Variants in PLCH1 observed in about 807,000 individuals in gnomAD.
PLCH1 encodes the protein 1-phosphatidylinositol 4,5-bisphosphate phosphodiesterase eta-1.
Under a neutral mutation model 126.7 loss-of-function variants are expected in PLCH1, and 60 were observed. That is an observed-to-expected ratio of 0.47 (90% CI 0.38 to 0.59). The LOEUF (loss-of-function observed/expected upper bound fraction) is 0.59, where lower values mean the gene tolerates loss of function less well. PLCH1 is among the 20% of genes least tolerant of loss of function. The pLI is 0.00. For missense variants in PLCH1, 1,723 were observed against 2,040.0 expected (o/e 0.84, Z 2.99); for synonymous variants, 719 against 734.9 (o/e 0.98, Z 0.35).
intron 2 of PLCH1, among the ~76,000 whole-genome samples, chr3:155,652,540 C>T (rs1740831897): frequency 6.6e-6 from 1 of 152,190 alleles, no homozygotes; most frequent in Non-Finnish European, 1.5e-5. Flanking sequence ...CCACTTTGAA[C>T]ATAGCACTAC....
intron 5 of PLCH1, among the ~76,000 whole-genome samples, chr3:155,585,801 G>C (rs1731282660): frequency 6.6e-6 from 1 of 152,152 alleles, no homozygotes; most frequent in Non-Finnish European, 1.5e-5. Flanking sequence ...CTCTCAAAGG[G>C]ACTGGAGCAA....
rs1327457619 is a variant in PLCH1, at chr3:155,554,158, G to A, written c.1108C>T (p.His370Tyr). The A allele has an allele frequency of 1.2e-6, 2 of 1,613,470 alleles. No individual in the cohort carries two copies. Among genetic ancestry groups the A allele is most frequent in the Non-Finnish European group, 1.7e-6 (2 of 1,179,562 alleles). The change falls in exon 9 of 23, where the codon CAT becomes TAT. Residue 370 changes from histidine to tyrosine, a missense_variant. Physicochemically the swap from His to Tyr is moderately conservative, Grantham distance 83. Around this residue, in one of 2 missense-constraint regions of PLCH1, gnomAD observed 776 missense variants for 1,062.9 expected, o/e 0.73. Coordinates refer to ENST00000460012, the MANE Select transcript of PLCH1 (RefSeq NM_014996.4). ...TTTGAAGTGAGAGTGTAACCATGAT[G>A]TACTACTGGCTCTCCATCTGGGCCA... ...WDGPDGEPVVHHGYTLTSKIL... is the reference protein window; with the variant it reads ...WDGPDGEPVVYHGYTLTSKIL...
chr3:155,744,231 G>A (rs1159901658), intron 1 of PLCH1, among the ~76,000 whole-genome samples: 7 of 152,334 alleles, frequency 4.6e-5, no homozygotes, highest in African/African-American at 1.7e-4. Flanking sequence ...CGCAGAGCGT[G>A]CCGCCGCGGG....
chr3:155,469,294 C>T (rs532696354), intron 21 of PLCH1, among the ~76,000 whole-genome samples: 18 of 152,272 alleles, frequency 1.2e-4, no homozygotes, highest in African/African-American at 2.2e-4. Flanking sequence ...GTGCCCTTTC[C>T]GAGTCAAAGA....
intron 21 of PLCH1, among the ~76,000 whole-genome samples, chr3:155,465,108 CAAAA>C (rs150847303): frequency 7.6e-5 from 5 of 65,788 alleles, no homozygotes; most frequent in Non-Finnish European, 6.8e-5. Context: ...GACTCTGTCT[CAAAA>C]AAAAAAAAAA....
At chr3:155,682,804 A>G (rs1331989204) in intron 2 of PLCH1, among the ~76,000 whole-genome samples, 2 of 152,250 alleles carry the variant, frequency 1.3e-5, no homozygotes, top group African/African-American at 4.8e-5. Flanking sequence ...GTATAACCAA[A>G]CACTTAAATT....
chr3:155,585,844 C>T (rs140110183), intron 5 of PLCH1, among the ~76,000 whole-genome samples: 42 of 151,912 alleles, frequency 2.8e-4, no homozygotes, highest in Non-Finnish European at 5.7e-4. Flanking sequence ...AAAACAGCAA[C>T]GATAACAAAA....
intron 22 of PLCH1, among the ~76,000 whole-genome samples, chr3:155,484,064 GAAT>G (rs1260996372): frequency 1.3e-5 from 2 of 151,984 alleles, no homozygotes; most frequent in African/African-American, 4.8e-5. Flanking sequence ...CAGAGGAACA[GAAT>G]AATATATAGA....
intron 1 of PLCH1, among the ~76,000 whole-genome samples, chr3:155,704,820 G>A (rs1301981460): frequency 6.6e-6 from 1 of 152,208 alleles, no homozygotes; most frequent in Non-Finnish European, 1.5e-5. Flanking sequence ...TGCCCAGGCT[G>A]AACTCATTGA....
At chr3:155,656,443 T>C (rs550261869) in intron 2 of PLCH1, among the ~76,000 whole-genome samples, 2 of 152,298 alleles carry the variant, frequency 1.3e-5, no homozygotes, top group East Asian at 3.9e-4. Context: ...AAATAAAATA[T>C]TATTTCATTA....
intron 1 of PLCH1, among the ~76,000 whole-genome samples, chr3:155,738,649 T>C (rs1749386952): frequency 1.3e-5 from 2 of 151,780 alleles, no homozygotes; most frequent in African/African-American, 2.4e-5. Context: ...TAGTTGGGCG[T>C]GCTGGCGGGT....
intron 8 of PLCH1, among the ~76,000 whole-genome samples, chr3:155,557,563 C>T (rs1726987071): frequency 6.6e-6 from 1 of 152,176 alleles, no homozygotes; most frequent in Non-Finnish European, 1.5e-5. Context: ...ATGAAGATAA[C>T]AACATTCCCA....
chr3:155,500,836 C>G, intron 13 of PLCH1, 42 bp from the exon 14 acceptor site: 2 of 1,267,728 alleles, frequency 1.6e-6, no homozygotes, highest in Non-Finnish European at 1.2e-6. Flanking sequence ...CTCATTGTAT[C>G]AAGTATATTT....
chr3:155,520,933 A>G (rs896099814), intron 11 of PLCH1, among the ~76,000 whole-genome samples: 3 of 152,212 alleles, frequency 2.0e-5, no homozygotes, highest in Non-Finnish European at 2.9e-5. Context: ...TAAAAGTAAC[A>G]GGAGTCTTGT....
chr3:155,596,104 C>A, intron 3 of PLCH1, 128 bp downstream of exon 3: 1 of 713,800 alleles, frequency 1.4e-6, no homozygotes, highest in Admixed American at 2.6e-5. Flanking sequence ...TCTCAATATC[C>A]AAAATCAACT....
At chr3:155,547,443 G>A (rs1201373431) in intron 10 of PLCH1, among the ~76,000 whole-genome samples, 2 of 139,114 alleles carry the variant, frequency 1.4e-5, no homozygotes, top group East Asian at 4.2e-4. Context: ...CTGTTGGTGG[G>A]ACTGTAAACT....
chr3:155,708,290 C>G (rs552237905), intron 1 of PLCH1, among the ~76,000 whole-genome samples: 1 of 152,154 alleles, frequency 6.6e-6, no homozygotes, highest in Non-Finnish European at 1.5e-5. Flanking sequence ...GTTAGTAGGC[C>G]TGGGGCAAGG....
At chr3:155,616,352 G>A (rs990754603) in intron 2 of PLCH1, among the ~76,000 whole-genome samples, 1 of 152,128 alleles carries the variant, frequency 6.6e-6, no homozygotes, top group Admixed American at 6.5e-5. Context: ...ATCTTACAAA[G>A]AAAAATTTGT....
intron 1 of PLCH1, among the ~76,000 whole-genome samples, chr3:155,718,657 GA>G (rs1747706638): frequency 6.6e-6 from 1 of 152,070 alleles, no homozygotes; most frequent in African/African-American, 2.4e-5. Context: ...GTGCGGGGGG[GA>G]GGTGCCACAA....
Sources: gnomAD v4.1 joint callset for allele counts (sites outside exome capture counted in the v4.1 genomes callset) on GRCh38, gnomAD v4.1.1 for gene constraint, gnomAD v4.1.1 regional missense constraint, MANE v1.5 for transcripts, NCBI Gene and HGNC (gene_info 2026-07-23, HGNC 2026-07-21) for gene names.